PTPRN2: variants seen among roughly 807,000 people sequenced by gnomAD.
The protein encoded by PTPRN2 is protein tyrosine phosphatase receptor type N2.
A neutral mutation model predicts 118.8 loss-of-function variants in PTPRN2; 74 were observed. The ratio of observed to expected loss-of-function variants is 0.62; its 90% CI spans 0.52 to 0.76. The LOEUF (loss-of-function observed/expected upper bound fraction) is 0.76, where lower values mean the gene tolerates loss of function less well. Ranked by LOEUF, PTPRN2 falls within the 30% of genes least tolerant of loss-of-function variation. The pLI is 0.00. For synonymous variants in PTPRN2, 641 were observed against 608.0 expected (o/e 1.05, Z -0.80); for missense variants, 1,481 against 1,394.4 (o/e 1.06, Z -0.99).
chr7:158,279,531 C>T (rs1246039371), intron 3 of PTPRN2, among the ~76,000 whole-genome samples: 1 of 152,210 alleles, frequency 6.6e-6, no homozygotes, highest in Non-Finnish European at 1.5e-5. Context: ...CAGAGACCCA[C>T]CATCATGGCC....
intron 12 of PTPRN2, among the ~76,000 whole-genome samples, chr7:157,688,179 C>T (rs1415828080): frequency 5.3e-5 from 8 of 152,220 alleles, no homozygotes; most frequent in Non-Finnish European, 1.2e-4. Context: ...TTGGGATATA[C>T]TGTTTTAAAA....
intron 21 of PTPRN2, among the ~76,000 whole-genome samples, chr7:157,556,771 A>G (rs1194488177): frequency 2.7e-5 from 4 of 150,700 alleles, no homozygotes; most frequent in Non-Finnish European, 4.4e-5. Flanking sequence ...ACATGCACAC[A>G]CACATGCACA....
At chr7:157,665,241 G>A (rs547707628) in intron 13 of PTPRN2, among the ~76,000 whole-genome samples, 1 of 152,252 alleles carries the variant, frequency 6.6e-6, no homozygotes, top group Non-Finnish European at 1.5e-5. Context: ...CACGAAGATG[G>A]CTCTGTTTAT....
At chr7:158,046,377 G>T (rs1296433544) in intron 11 of PTPRN2, among the ~76,000 whole-genome samples, 1 of 150,416 alleles carries the variant, frequency 6.6e-6, no homozygotes, top group Non-Finnish European at 1.5e-5. Context: ...AGCAGAACCT[G>T]CGATCCTGGC....
At chr7:158,511,571 G>A (rs761451086) in intron 1 of PTPRN2, among the ~76,000 whole-genome samples, 1 of 152,232 alleles carries the variant, frequency 6.6e-6, no homozygotes, top group Non-Finnish European at 1.5e-5. Flanking sequence ...GACATGCTCT[G>A]TGCCTTGCTT....
At chr7:158,155,780 ATT>A (rs1585669662) in intron 6 of PTPRN2, among the ~76,000 whole-genome samples, 1 of 151,130 alleles carries the variant, frequency 6.6e-6, no homozygotes, top group East Asian at 2.0e-4. Flanking sequence ...CAACACTATC[ATT>A]ACCATCATCA....
rs535130340 is a variant in PTPRN2, at chr7:158,245,429, C to A, written c.278-40156G>T. Among the ~76,000 whole-genome samples the A allele has an allele frequency of 7.2e-5, 11 of 152,354 alleles. 1 individual carries two copies. The South Asian group carries it at 2.3e-3, about 32-fold the overall frequency. On this transcript the variant is annotated intron_variant, in intron 3 of 22. Transcript: ENST00000389418. ...GAGGGGCTGCACCAGGAATGCGCGG[C>A]CTGTTGAGTTTCAGTGATGAGGCCA...
intron 2 of PTPRN2, among the ~76,000 whole-genome samples, chr7:158,435,743 TA>T: frequency 6.6e-6 from 1 of 152,104 alleles, no homozygotes; most frequent in Non-Finnish European, 1.5e-5. Context: ...TACTCAGCCT[TA>T]AAAAAGAAGA....
intron 1 of PTPRN2, among the ~76,000 whole-genome samples, chr7:158,556,489 G>C (rs575265716): frequency 5.3e-5 from 8 of 151,638 alleles, no homozygotes; most frequent in African/African-American, 1.7e-4. Context: ...GGAGGCGGAA[G>C]TTGCAGTGAG....
intron 12 of PTPRN2, among the ~76,000 whole-genome samples, chr7:157,727,949 C>T (rs1216144764): frequency 6.6e-6 from 1 of 152,214 alleles, no homozygotes; most frequent in Non-Finnish European, 1.5e-5. Flanking sequence ...TCAGAGCCTC[C>T]TCCCAGCTGA....
chr7:158,444,949 C>G (rs57422972), intron 2 of PTPRN2, among the ~76,000 whole-genome samples: 18,497 of 152,260 alleles, frequency 0.12, 1,365 homozygotes, highest in African/African-American at 0.2. Flanking sequence ...CCGCACCCGG[C>G]GGGGCACCAT....
chr7:157,859,715 CA>C (rs1810057391), intron 12 of PTPRN2, among the ~76,000 whole-genome samples: 1 of 67,116 alleles, frequency 1.5e-5, no homozygotes, highest in Non-Finnish European at 2.8e-5. Context: ...AGAGCCCCGT[CA>C]CCACCCACAC....
At chr7:157,567,285 TTTTG>T (rs1799536004) in intron 21 of PTPRN2, among the ~76,000 whole-genome samples, 1 of 152,248 alleles carries the variant, frequency 6.6e-6, no homozygotes, top group Non-Finnish European at 1.5e-5. Context: ...AGTGTTTGCA[TTTTG>T]TTTTTGTTTG....
intron 11 of PTPRN2, among the ~76,000 whole-genome samples, chr7:157,904,184 C>T (rs1328313986): frequency 3.9e-5 from 6 of 152,196 alleles, no homozygotes; most frequent in Non-Finnish European, 8.8e-5. Context: ...CAAGGTCTTC[C>T]TCCCACAGTG....
At chr7:157,951,693 G>A (rs1308151217) in intron 11 of PTPRN2, among the ~76,000 whole-genome samples, 1 of 152,246 alleles carries the variant, frequency 6.6e-6, no homozygotes, top group Non-Finnish European at 1.5e-5. Context: ...CTCAGGCACT[G>A]CCAGTGACAT....
At chr7:158,341,974 C>T (rs1419775759) in intron 2 of PTPRN2, among the ~76,000 whole-genome samples, 8 of 150,240 alleles carry the variant, frequency 5.3e-5, no homozygotes, top group African/African-American at 9.9e-5. Context: ...GTCACTCACA[C>T]CCACACTCTC....
At chr7:158,345,590 G>A (rs1807451395) in intron 2 of PTPRN2, among the ~76,000 whole-genome samples, 2 of 152,210 alleles carry the variant, frequency 1.3e-5, no homozygotes, top group South Asian at 4.1e-4. Flanking sequence ...GGCAGCAGTG[G>A]TCACCCAGAG....
intron 2 of PTPRN2, among the ~76,000 whole-genome samples, chr7:158,488,822 G>A (rs1452748204): frequency 2.0e-5 from 3 of 152,258 alleles, no homozygotes; most frequent in East Asian, 3.8e-4. Context: ...AGAAGGCCTC[G>A]CTCAGTGCGC....
At chr7:157,696,449 T>C (rs1221876802) in intron 12 of PTPRN2, among the ~76,000 whole-genome samples, 208 of 97,766 alleles carry the variant, frequency 2.1e-3, no homozygotes, top group Middle Eastern at 0.015. Context: ...TGGATCTTAG[T>C]AGAGCCCTCA....
Sources: gnomAD v4.1 joint callset for allele counts (sites outside exome capture counted in the v4.1 genomes callset) on GRCh38, gnomAD v4.1.1 for gene constraint, MANE v1.5 for transcripts, NCBI Gene and HGNC (gene_info 2026-07-23, HGNC 2026-07-21) for gene names.